The following PRKDC variants were observed in gnomAD, a reference collection of about 807,000 sequenced individuals.
PRKDC encodes the protein DNA-dependent protein kinase catalytic subunit.
In PRKDC, 82 loss-of-function variants were observed where a neutral mutation model predicts 486.9. That is an observed-to-expected ratio of 0.17 (90% CI 0.14 to 0.20). The LOEUF is 0.20. Ranked by LOEUF, PRKDC falls within the 10% of genes least tolerant of loss-of-function variation. PRKDC has a pLI of 1.00. For missense variants in PRKDC, 4,504 were observed against 5,038.2 expected (o/e 0.89, Z 3.21); for synonymous variants, 1,895 against 1,837.0 (o/e 1.03, Z -0.81).
chr8:47,852,037 G>A (rs1375325998), intron 52 of PRKDC, among the ~76,000 whole-genome samples: 1 of 152,192 alleles, frequency 6.6e-6, no homozygotes, highest in African/African-American at 2.4e-5. Flanking sequence ...GATGGCTTGA[G>A]CCCAGGAGTG....
At chr8:47,774,415 G>A (rs1279166304) in intron 85 of PRKDC, 38 bp from the exon 86 acceptor site, 3 of 1,584,232 alleles carry the variant, frequency 1.9e-6, no homozygotes, top group Non-Finnish European at 2.6e-6. Context: ...CAAAGCATGT[G>A]TCATTGTCCT....
chr8:47,785,403 A>C, intron 76 of PRKDC, 86 bp from the exon 77 acceptor site: 1 of 1,033,980 alleles, frequency 9.7e-7, no homozygotes, highest in Non-Finnish European at 1.4e-6. Context: ...TAATGAATGG[A>C]GTGCTCAATG....
At chr8:47,873,874 G>C (rs1274020348) in intron 40 of PRKDC, among the ~76,000 whole-genome samples, 1 of 152,018 alleles carries the variant, frequency 6.6e-6, no homozygotes, top group African/African-American at 2.4e-5. Flanking sequence ...AGGGTAAGAG[G>C]GAGGGGGAAA....
rs372222636 is a variant in PRKDC, at chr8:47,858,874, C to A, written c.6320G>T (p.Ser2107Ile). 2 of 1,613,820 alleles carry A rather than the reference C, an allele frequency of 1.2e-6. No homozygotes were observed. Among genetic ancestry groups the A allele is most frequent in the Admixed American group, 1.7e-5 (1 of 60,016 alleles). The part of the protein sequence containing the change: ...LTALVKHMHR[S>I]LGPPQGEEDS... The stretch of plus-strand genomic sequence containing the variant: ...CTCTTCTCCTTGAGGCGGGCCCAGG[C>A]TTCTGTGCATGTGCTTGACCAGGGC... Residue 2107 changes from serine (S) to isoleucine (I), a missense_variant, in exon 47 of 86, where the codon AGC becomes ATC. By Grantham distance (142) the Ser-to-Ile change is moderately radical. Around this residue, in one of 6 missense-constraint regions of PRKDC, gnomAD observed 1,592 missense variants for 1,724.6 expected, o/e 0.92. Transcript: ENST00000314191.
Position 47,836,527 on chromosome 8 carries a change from C to T in PRKDC, c.7762G>A (p.Glu2588Lys), listed in dbSNP as rs771824640. ...CGCCAATCAGAATCAATGGTATATT[C>T]CTGTACATAAGAAAGTTTCAAATGA... ...EHPLSECEFQEYTIDSDWRFR... is the reference protein window; with the variant it reads ...EHPLSECEFQKYTIDSDWRFR... Residue 2588 changes from glutamate to lysine, a missense_variant and splice_region_variant, in exon 58 of 86, where the codon GAA (glutamate) becomes AAA (lysine). Around this residue, in one of 6 missense-constraint regions of PRKDC, gnomAD observed 1,592 missense variants for 1,724.6 expected, o/e 0.92. Coordinates refer to ENST00000314191, the MANE Select transcript of PRKDC (RefSeq NM_006904.7). 4.4e-6 allele frequency: 7 copies of T among 1,585,980 alleles called. No homozygotes were observed. In the African/African-American group the frequency reaches 9.4e-5, roughly 21 times the overall value.
rs971215316 is a variant in PRKDC, at chr8:47,886,047, T to C, written c.4673A>G (p.Tyr1558Cys). 4 of 1,613,526 alleles carry C rather than the reference T, an allele frequency of 2.5e-6. No homozygotes were observed. The highest frequency in any genetic ancestry group is 3.4e-6 in the Non-Finnish European group (4 of 1,179,868). The change falls in exon 36 of 86, where the codon TAT (tyrosine) becomes TGT (cysteine). Residue 1558 changes from tyrosine (Y) to cysteine (C), a missense_variant. Tyr to Cys is a radical substitution (Grantham distance 194). Coordinates refer to ENST00000314191, the MANE Select transcript of PRKDC (RefSeq NM_006904.7). Reference sequence around the variant, plus strand: ...CGTTTCTGAGAACAAGCTATAGAAATACTCCCCATGGGAGAAGTGGATGAC... The same window carrying C: ...CGTTTCTGAGAACAAGCTATAGAAACACTCCCCATGGGAGAAGTGGATGAC... Reference protein sequence around the residue: ...GSVIHFSHGEYFYSLFSETIN... With the variant: ...GSVIHFSHGECFYSLFSETIN...
chr8:47,869,351 A>G (rs2088892642), intron 40 of PRKDC, among the ~76,000 whole-genome samples: 3 of 151,714 alleles, frequency 2.0e-5, no homozygotes, highest in Non-Finnish European at 4.4e-5. Flanking sequence ...AGAACAGGGC[A>G]CCAGGGAGAA....
chr8:47,830,551 G>A (rs2087841532), intron 61 of PRKDC, 54 bp downstream of exon 61: 2 of 1,597,852 alleles, frequency 1.3e-6, no homozygotes, highest in East Asian at 2.2e-5. Context: ...GCAAACCCCT[G>A]AACTGGAAAC....
At chr8:47,844,061 T>C (rs2088212994) in intron 54 of PRKDC, among the ~76,000 whole-genome samples, 1 of 152,230 alleles carries the variant, frequency 6.6e-6, no homozygotes, top group South Asian at 2.1e-4. Flanking sequence ...ACCTTGAATG[T>C]AAATGGTCTA....
At position 47,838,176 on chromosome 8, in the gene PRKDC, CACAT is replaced by C. The variant is rs537110779; in HGVS notation, c.7554-761_7554-758del. 2.4e-4 allele frequency among the ~76,000 whole-genome samples: 36 copies of C among 151,714 alleles called. No individual in the cohort carries two copies. The South Asian group carries it at 6.7e-3, about 28-fold the overall frequency. On this transcript the variant is annotated intron_variant, in intron 56 of 85. Transcript: ENST00000314191. ...AATAAATGTATGTATGTAGTTGGTG[CACAT>C]ACATACATACATACCAAATTAGGTC...
chr8:47,952,285 CAA>C (rs973943615), intron 7 of PRKDC, among the ~76,000 whole-genome samples: 1 of 149,876 alleles, frequency 6.7e-6, no homozygotes, highest in Admixed American at 6.6e-5. Flanking sequence ...ATTCAGCCTT[CAA>C]AAAAAAAGAC....
chr8:47,955,706 AG>A (rs955410615), intron 4 of PRKDC, among the ~76,000 whole-genome samples, 167 bp downstream of exon 4: 10 of 152,148 alleles, frequency 6.6e-5, no homozygotes, highest in African/African-American at 2.2e-4. Context: ...ACAAAAAGCC[AG>A]GGTATTGTCA....
intron 25 of PRKDC, among the ~76,000 whole-genome samples, chr8:47,909,392 G>A (rs2089855155): frequency 6.6e-6 from 1 of 152,106 alleles, no homozygotes; most frequent in African/African-American, 2.4e-5. Flanking sequence ...AATTTCTTAT[G>A]CCTGTCTTTA....
At chr8:47,934,151 C>A in intron 14 of PRKDC, 61 bp from the exon 15 acceptor site, 1 of 1,509,182 alleles carries the variant, frequency 6.6e-7, no homozygotes. Flanking sequence ...GCACTGCTGC[C>A]AGAACATGCT....
rs1304041015 is a variant in PRKDC, at chr8:47,890,261, C to A, written c.4067G>T (p.Trp1356Leu). ...CAAATTAACAGAGCAGCCTACCTTC[C>A]ATCCTTCCGGGGAGGTGTTTAGCAG... ...TTLLNTSPEG[W>L]KLLKKDLCNT... Residue 1356 changes from tryptophan (W) to leucine (L), a missense_variant, in exon 32 of 86, where the codon TGG (tryptophan) becomes TTG (leucine). Around this residue, in one of 6 missense-constraint regions of PRKDC, gnomAD observed 1,969 missense variants for 2,068.9 expected, o/e 0.95. Coordinates refer to ENST00000314191, the MANE Select transcript of PRKDC (RefSeq NM_006904.7). The A allele has an allele frequency of 6.2e-7, 1 of 1,608,190 alleles. No homozygotes were observed.
At chr8:47,897,701 G>A (rs1407611687) in intron 29 of PRKDC, among the ~76,000 whole-genome samples, 1 of 152,096 alleles carries the variant, frequency 6.6e-6, no homozygotes, top group African/African-American at 2.4e-5. Context: ...ATTGAGGGTG[G>A]GGCCAGCCCA....
At chr8:47,916,427 T>C (rs1462439370) in intron 22 of PRKDC, among the ~76,000 whole-genome samples, 1 of 151,498 alleles carries the variant, frequency 6.6e-6, no homozygotes, top group Non-Finnish European at 1.5e-5. Flanking sequence ...CGAGACTCCA[T>C]CTCAAAATAA....
chr8:47,922,627 T>C (rs532197051), intron 21 of PRKDC, among the ~76,000 whole-genome samples: 1 of 152,252 alleles, frequency 6.6e-6, no homozygotes, highest in East Asian at 1.9e-4. Flanking sequence ...CATTTTTAAG[T>C]AAGGAGGGTA....
intron 22 of PRKDC, among the ~76,000 whole-genome samples, chr8:47,917,254 C>CA (rs565376567): frequency 8.2e-5 from 12 of 147,148 alleles, no homozygotes; most frequent in East Asian, 2.0e-4. Context: ...GATCCTGCCT[C>CA]AAAAAAAAAT....
Sources: allele counts gnomAD v4.1 joint callset (sites outside exome capture counted in the v4.1 genomes callset), GRCh38; gene constraint gnomAD v4.1.1; regional missense constraint gnomAD v4.1.1; transcripts MANE v1.5; gene names NCBI Gene and HGNC (gene_info 2026-07-23, HGNC 2026-07-21).